Variants in PADI1 observed in about 807,000 individuals in gnomAD.
PADI1 encodes peptidyl arginine deiminase 1.
In PADI1, 65 loss-of-function variants were observed where a neutral mutation model predicts 74.8. The observed-to-expected ratio is 0.87, with a 90% CI of 0.71 to 1.07. The LOEUF (loss-of-function observed/expected upper bound fraction) is 1.07, where lower values mean the gene tolerates loss of function less well. Ranked by LOEUF, PADI1 falls within the 50% of genes least tolerant of loss-of-function variation. The pLI is 0.00. For missense variants in PADI1, 943 were observed against 854.0 expected (o/e 1.10, Z -1.30); for synonymous variants, 371 against 336.2 (o/e 1.10, Z -1.13).
intron 6 of PADI1, among the ~76,000 whole-genome samples, chr1:17,227,096 T>C (rs1569807133): frequency 7.3e-6 from 1 of 136,806 alleles, no homozygotes; most frequent in East Asian, 2.1e-4. Flanking sequence ...ACTCGGGAGG[T>C]TGAGGCAGGA....
At chr1:17,224,253 G>A in intron 3 of PADI1, 114 bp from the exon 4 acceptor site, 1 of 845,706 alleles carries the variant, frequency 1.2e-6, no homozygotes. Flanking sequence ...CCCCAGACAG[G>A]GCTTCCAGTC....
At chr1:17,243,874 A>T (rs529573611) in intron 15 of PADI1, 136 bp from the exon 16 acceptor site, 1 of 626,546 alleles carries the variant, frequency 1.6e-6, no homozygotes, top group South Asian at 2.0e-5. Context: ...AGCAAACTCC[A>T]GTCCTAGAGC....
intron 1 of PADI1, among the ~76,000 whole-genome samples, chr1:17,215,054 G>A (rs2071938434): frequency 6.6e-6 from 1 of 152,204 alleles, no homozygotes; most frequent in Non-Finnish European, 1.5e-5. Context: ...GAAGGCAGTG[G>A]GGCTGGGAAC....
At chr1:17,237,496 C>T in intron 12 of PADI1, 38 bp downstream of exon 12, 7 of 1,566,782 alleles carry the variant, frequency 4.5e-6, no homozygotes, top group Non-Finnish European at 6.1e-6. Flanking sequence ...CACCTCTGCC[C>T]TTGTCTGACC....
chr1:17,216,330 G>A (rs74058973), intron 1 of PADI1, among the ~76,000 whole-genome samples: 4,018 of 152,258 alleles, frequency 0.026, 192 homozygotes, highest in African/African-American at 0.093. Context: ...TGGTGGCTTG[G>A]ACAGGATGTG....
intron 6 of PADI1, 117 bp downstream of exon 6, chr1:17,226,275 C>A (rs2072309429): frequency 1.8e-6 from 2 of 1,112,640 alleles, no homozygotes; most frequent in Admixed American, 3.9e-5. Flanking sequence ...AGCTTACAAA[C>A]AACCACTCCA....
At chr1:17,233,101 A>G in intron 11 of PADI1, 131 bp downstream of exon 11, 1 of 877,530 alleles carries the variant, frequency 1.1e-6, no homozygotes, top group Non-Finnish European at 1.7e-6. Flanking sequence ...GAATCCTGGA[A>G]TCAAAGACTC....
At chr1:17,235,912 A>G (rs1221569857) in intron 11 of PADI1, among the ~76,000 whole-genome samples, 1 of 152,160 alleles carries the variant, frequency 6.6e-6, no homozygotes, top group Non-Finnish European at 1.5e-5. Flanking sequence ...CCCACATGGG[A>G]AAGTGAGGGG....
intron 1 of PADI1, among the ~76,000 whole-genome samples, chr1:17,215,799 C>T (rs1171728591): frequency 3.9e-5 from 6 of 152,090 alleles, no homozygotes; most frequent in South Asian, 2.1e-4. Flanking sequence ...ATGACAGCAG[C>T]GATGCAGACA....
chr1:17,241,567 G>C (rs1310097629), intron 15 of PADI1, among the ~76,000 whole-genome samples: 3 of 77,214 alleles, frequency 3.9e-5, no homozygotes, highest in Non-Finnish European at 4.9e-5. Flanking sequence ...ATCAGGGTTG[G>C]AAGTGAATGT....
intron 4 of PADI1, among the ~76,000 whole-genome samples, chr1:17,224,764 ATTG>A (rs1166761008): frequency 6.6e-6 from 1 of 151,912 alleles, no homozygotes; most frequent in Non-Finnish European, 1.5e-5. Context: ...TTCCTAAAAG[ATTG>A]TTGAGTGACA....
intron 4 of PADI1, 52 bp downstream of exon 4, chr1:17,224,480 G>A (rs2072254300): frequency 7.6e-7 from 1 of 1,322,210 alleles, no homozygotes; most frequent in Non-Finnish European, 1.1e-6. Context: ...GCAAACTTGG[G>A]GTGGTCCCGG....
rs1177265919 is a variant in PADI1 at position 17,232,805 on chromosome 1, T to TTCCATAG, written c.1162-14_1162-13insTCCATAG. 1.9e-6 allele frequency: 3 copies of TTCCATAG among 1,604,480 alleles called. No homozygotes were observed. In the South Asian group the frequency reaches 3.3e-5, roughly 18 times the overall value. Reference sequence around the variant, plus strand: ...CTCCTTCTTGGGGTGGGGGTCTCGCTGGTTCTTCCATAGGGTCCTGACTTT... The same window carrying TTCCATAG: ...CTCCTTCTTGGGGTGGGGGTCTCGCTTCCATAGGGTTCTTCCATAGGGTCCTGACTTT... On this transcript the variant is annotated splice_polypyrimidine_tract_variant and intron_variant, in intron 10 of 15. Transcript: ENST00000375471.
At chr1:17,216,187 A>C (rs182453726) in intron 1 of PADI1, among the ~76,000 whole-genome samples, 1 of 152,210 alleles carries the variant, frequency 6.6e-6, no homozygotes, top group Non-Finnish European at 1.5e-5. Context: ...CTCTGGTGAC[A>C]GCCTCTGAGC....
At chr1:17,235,199 AG>A (rs2072601962) in intron 11 of PADI1, among the ~76,000 whole-genome samples, 1 of 122,748 alleles carries the variant, frequency 8.1e-6, no homozygotes, top group African/African-American at 3.1e-5. Flanking sequence ...GAAGGAAGGA[AG>A]GGAGGGAGGG....
At chr1:17,221,063 T>C (rs182030900) in intron 1 of PADI1, among the ~76,000 whole-genome samples, 3 of 151,580 alleles carry the variant, frequency 2.0e-5, no homozygotes, top group East Asian at 3.9e-4. Flanking sequence ...ACCCATTTCT[T>C]GATCCCAGAG....
At chr1:17,222,257 A>T in intron 1 of PADI1, 33 bp from the exon 2 acceptor site, 1 of 1,569,202 alleles carries the variant, frequency 6.4e-7, no homozygotes, top group Non-Finnish European at 8.8e-7. Flanking sequence ...AGATGGGAAG[A>T]CTGGTTCTCT....
chr1:17,215,076 C>A (rs928411369), intron 1 of PADI1, among the ~76,000 whole-genome samples: 2 of 152,176 alleles, frequency 1.3e-5, no homozygotes, highest in African/African-American at 4.8e-5. Flanking sequence ...AGAATAGGCC[C>A]CTCCCCATGC....
chr1:17,218,358 C>A (rs1395698772), intron 1 of PADI1, among the ~76,000 whole-genome samples: 1 of 152,082 alleles, frequency 6.6e-6, no homozygotes, highest in Non-Finnish European at 1.5e-5. Flanking sequence ...AGAACCCCCC[C>A]ACTCCAGAGA....
Sources: allele counts gnomAD v4.1 joint callset (sites outside exome capture counted in the v4.1 genomes callset), GRCh38; gene constraint gnomAD v4.1.1; transcripts MANE v1.5; gene names NCBI Gene and HGNC (gene_info 2026-07-23, HGNC 2026-07-21).